Variants in WDPCP observed in about 807,000 individuals in gnomAD.
WDPCP encodes WD repeat containing planar cell polarity effector, also known as WD repeat-containing and planar cell polarity effector protein fritz homolog.
A neutral mutation model predicts 93.1 loss-of-function variants in WDPCP; 71 were observed. That is an observed-to-expected ratio of 0.76 (90% CI 0.63 to 0.93). The LOEUF (loss-of-function observed/expected upper bound fraction) is 0.93, where lower values mean the gene tolerates loss of function less well. Among genes scored for constraint, WDPCP ranks in the 40% least tolerant of loss-of-function variants. The probability of loss-of-function intolerance (pLI) is 0.00; values close to 1 mark genes in which losing one functional copy is unlikely to be tolerated. For missense variants in WDPCP, 844 were observed against 887.4 expected, an observed-to-expected ratio of 0.95 and a Z score of 0.62; for synonymous variants, 315 against 315.0, an observed-to-expected ratio of 1.00 and a Z score of 0.00.
intron 2 of WDPCP, among the ~76,000 whole-genome samples, chr2:63,759,453 G>T (rs1270397954): frequency 1.3e-5 from 2 of 152,178 alleles, no homozygotes; most frequent in Non-Finnish European, 1.5e-5. Context: ...CTACACAATT[G>T]CAGGGCTTGG....
intron 6 of WDPCP, among the ~76,000 whole-genome samples, chr2:63,451,487 G>A (rs572329401): frequency 3.3e-5 from 5 of 152,214 alleles, no homozygotes; most frequent in Admixed American, 6.5e-5. Flanking sequence ...AGGACCAGAC[G>A]GATTCACAGC....
intron 14 of WDPCP, among the ~76,000 whole-genome samples, chr2:63,215,783 A>G (rs1677278683): frequency 6.6e-6 from 1 of 152,116 alleles, no homozygotes; most frequent in Non-Finnish European, 1.5e-5. Context: ...AACCTACAGA[A>G]TGGGAGAAAA....
At chr2:63,284,673 A>C (rs1246487934) in intron 13 of WDPCP, among the ~76,000 whole-genome samples, 1 of 152,346 alleles carries the variant, frequency 6.6e-6, no homozygotes, top group East Asian at 1.9e-4. Context: ...TAAAGTATGA[A>C]TATGTTAGAC....
intron 3 of WDPCP, among the ~76,000 whole-genome samples, chr2:63,650,394 T>C (rs1400954042): frequency 6.6e-6 from 1 of 152,160 alleles, no homozygotes; most frequent in East Asian, 1.9e-4. Context: ...AATGACTTTA[T>C]CCCACTGAAA....
At chr2:63,646,257 A>G (rs1213768184) in intron 3 of WDPCP, among the ~76,000 whole-genome samples, 1 of 152,168 alleles carries the variant, frequency 6.6e-6, no homozygotes, top group Non-Finnish European at 1.5e-5. Context: ...CTGCATAAAC[A>G]AACAAGCAAA....
At chr2:63,668,766 CCCT>C (rs1265548123) in intron 2 of WDPCP, among the ~76,000 whole-genome samples, 1 of 152,160 alleles carries the variant, frequency 6.6e-6, no homozygotes, top group Non-Finnish European at 1.5e-5. Flanking sequence ...TCCCTCTCTC[CCCT>C]CCTCCTTTCT....
intron 1 of WDPCP, among the ~76,000 whole-genome samples, chr2:63,500,454 G>GTGTGTGTGTGTGTGTGTGTGT (rs1553412903): frequency 2.0e-4 from 30 of 149,576 alleles, no homozygotes; most frequent in African/African-American, 6.7e-4. Flanking sequence ...ATGGTGTGGG[G>GTGTGTGTGTGTGTGTGTGTGT]GTGTGTGTGT....
intron 2 of WDPCP, among the ~76,000 whole-genome samples, chr2:63,724,773 C>T (rs1052255352): frequency 3.3e-5 from 5 of 152,194 alleles, no homozygotes; most frequent in African/African-American, 1.2e-4. Context: ...TAACACTAGC[C>T]TCTCTTGTTT....
chr2:63,718,065 T>C (rs1352737738), intron 2 of WDPCP, among the ~76,000 whole-genome samples: 1 of 151,996 alleles, frequency 6.6e-6, no homozygotes, highest in Non-Finnish European at 1.5e-5. Flanking sequence ...TATTAAAACA[T>C]TAAACAATGA....
intron 12 of WDPCP, among the ~76,000 whole-genome samples, chr2:63,317,501 G>A (rs1686740134): frequency 6.6e-6 from 1 of 151,916 alleles, no homozygotes; most frequent in Non-Finnish European, 1.5e-5. Context: ...ATCAGGTTAT[G>A]CACTTCGAAC....
rs79656961 is a variant in WDPCP, at chr2:63,494,284, T to C, written c.76-1344A>G. On this transcript the variant is annotated intron_variant, in intron 1 of 17. Transcript: ENST00000272321. ...TTTCACCAGATGATGATGATGATGATGATGACGACGACGACGACAATGATG... is the reference window on the plus strand; with the variant it reads ...TTTCACCAGATGATGATGATGATGACGATGACGACGACGACGACAATGATG... Among the ~76,000 whole-genome samples the C allele has an allele frequency of 1.6e-4, 6 of 37,652 alleles. No homozygotes were observed. The East Asian group carries it at 0.018, about 113-fold the overall frequency. The allele number at this position is 37,652 out of a possible 152,430, so 24.7% of individuals were successfully genotyped here.
At chr2:63,385,509 T>C (rs13030917) in intron 10 of WDPCP, among the ~76,000 whole-genome samples, 27,606 of 151,982 alleles carry the variant, frequency 0.18, 2,654 homozygotes, top group Middle Eastern at 0.24. Flanking sequence ...ATAAAAATAT[T>C]TACAATATAA....
chr2:63,153,504 T>C lies in WDPCP; in HGVS notation c.2149A>G (p.Asn717Asp). The change falls in exon 16 of 18, where the codon AAT becomes GAT. Residue 717 changes from asparagine to aspartate, a missense_variant. By Grantham distance (23) the Asn-to-Asp change is conservative. Coordinates refer to ENST00000272321, the MANE Select transcript of WDPCP (RefSeq NM_015910.7). ...CSGFLMTNTCNAEDGELREDG... is the reference protein window; with the variant it reads ...CSGFLMTNTCDAEDGELREDG... The stretch of plus-strand genomic sequence containing the variant: ...TCTTGAATACCATTACCTTCTGCAT[T>C]ACAGGTATTAGTCATCAAAAATCCA... 1 of 1,611,590 alleles carries C rather than the reference T, an allele frequency of 6.2e-7. No homozygotes were observed. Among genetic ancestry groups the C allele is most frequent in the Non-Finnish European group, 8.5e-7 (1 of 1,178,156 alleles).
At chr2:63,536,773 C>CTTTTTTTTTTTT (rs58661370) in intron 1 of WDPCP, among the ~76,000 whole-genome samples, 988 of 93,218 alleles carry the variant, frequency 0.011, 17 homozygotes, top group East Asian at 0.018. Flanking sequence ...ATTCTTCATG[C>CTTTTTTTTTTTT]TTTTTTTTTT....
intron 13 of WDPCP, among the ~76,000 whole-genome samples, chr2:63,312,549 C>T (rs1686261232): frequency 6.6e-6 from 1 of 152,194 alleles, no homozygotes; most frequent in African/African-American, 2.4e-5. Flanking sequence ...TCTGTTGTTT[C>T]TGTGGAAACA....
At chr2:63,267,891 T>C (rs1400322059) in intron 13 of WDPCP, among the ~76,000 whole-genome samples, 1 of 152,204 alleles carries the variant, frequency 6.6e-6, no homozygotes, top group African/African-American at 2.4e-5. Flanking sequence ...TGCAAATTAG[T>C]ACAGCCATTT....
chr2:63,801,323 G>A (rs2104036573), intron 2 of WDPCP, among the ~76,000 whole-genome samples: 1 of 152,318 alleles, frequency 6.6e-6, no homozygotes, highest in South Asian at 2.1e-4. Context: ...TGTGTCTGGA[G>A]TGGGTTCCTG....
At chr2:63,290,268 A>C (rs1465374638) in intron 13 of WDPCP, among the ~76,000 whole-genome samples, 2 of 151,992 alleles carry the variant, frequency 1.3e-5, no homozygotes, top group Non-Finnish European at 2.9e-5. Context: ...TGGCACCATA[A>C]TATGCAATTT....
chr2:63,465,523 CT>C (rs1232669847), intron 6 of WDPCP, among the ~76,000 whole-genome samples: 7 of 152,094 alleles, frequency 4.6e-5, no homozygotes, highest in Admixed American at 2.0e-4. Flanking sequence ...TACAGTGCCC[CT>C]AGGCCAAAAG....
Sources: gnomAD v4.1 joint callset for allele counts (sites outside exome capture counted in the v4.1 genomes callset) on GRCh38, gnomAD v4.1.1 for gene constraint, MANE v1.5 for transcripts, NCBI Gene and HGNC (gene_info 2026-07-23, HGNC 2026-07-21) for gene names.